Variants in TMEM39A observed in about 807,000 individuals in gnomAD.
TMEM39A encodes suppressor of SQST-1 aggregates in rpl-43 mutants.
A neutral mutation model predicts 51.9 loss-of-function variants in TMEM39A; 19 were observed. That is an observed-to-expected ratio of 0.37 (90% confidence interval 0.26 to 0.54). TMEM39A has a LOEUF of 0.54. Ranked by LOEUF, TMEM39A falls within the 20% of genes least tolerant of loss-of-function variation. The pLI is 0.88. For synonymous variants in TMEM39A, 197 were observed against 220.2 expected, an observed-to-expected ratio of 0.89 and a Z score of 0.93; for missense variants, 433 against 590.5, an observed-to-expected ratio of 0.73 and a Z score of 2.76.
chr3:119,441,644 CA>C (rs2081055499), intron 5 of TMEM39A, among the ~76,000 whole-genome samples: 1 of 152,200 alleles, frequency 6.6e-6, no homozygotes, highest in South Asian at 2.1e-4. Flanking sequence ...TGTGAATCTA[CA>C]AACTGTAGCA....
chr3:119,443,064 A>C (rs1194169034), intron 5 of TMEM39A, among the ~76,000 whole-genome samples: 2 of 2,990 alleles, frequency 6.7e-4, no homozygotes, highest in Non-Finnish European at 0.013. Context: ...ACCCTGTCTC[A>C]AAAAAAAAAA....
At chr3:119,434,591 C>T (rs761632365) in intron 8 of TMEM39A, among the ~76,000 whole-genome samples, 171 bp downstream of exon 8, 12 of 152,064 alleles carry the variant, frequency 7.9e-5, no homozygotes, top group Non-Finnish European at 1.6e-4. Flanking sequence ...TTCAAACTGC[C>T]CTTCAAAAGA....
chr3:119,455,153 A>T (rs1017581437), intron 3 of TMEM39A, among the ~76,000 whole-genome samples: 1 of 152,226 alleles, frequency 6.6e-6, no homozygotes, highest in Non-Finnish European at 1.5e-5. Context: ...AAGAAAACTT[A>T]AAAGACAGAC....
chr3:119,439,499 G>C (rs1230326809), intron 5 of TMEM39A, among the ~76,000 whole-genome samples: 1 of 144,018 alleles, frequency 6.9e-6, no homozygotes, highest in African/African-American at 2.6e-5. Context: ...AGAATCACTT[G>C]AACCCTGGAG....
At position 119,430,231 on chromosome 3, in the gene TMEM39A, CCTTT is replaced by C. The variant is rs2080881898; in HGVS notation, c.*1746_*1749del. ...ACTTGTCCCCACCTCAGGGCACTGC[CCTTT>C]CTGCTACTGTAACATGGAATTCTCC... On this transcript the variant is annotated 3_prime_UTR_variant, in exon 9 of 9. Coordinates refer to ENST00000319172, the MANE Select transcript of TMEM39A (RefSeq NM_018266.3). The C allele has an allele frequency of 6.6e-6, 1 of 152,104 alleles. No individual in the cohort carries two copies. The highest frequency in any genetic ancestry group is 1.5e-5 in the Non-Finnish European group (1 of 68,002). The allele number at this position is 152,104 out of a possible 1,614,324, so 9.4% of individuals were successfully genotyped here. A position where few individuals can be genotyped will look rare whatever the true frequency, so the allele number is the denominator to read the frequency against.
chr3:119,462,632 A>AAGG (rs1464858331), intron 1 of TMEM39A, among the ~76,000 whole-genome samples: 1 of 2,450 alleles, frequency 4.1e-4, no homozygotes, highest in Non-Finnish European at 6.9e-4. Flanking sequence ...GTGTTTCTTC[A>AAGG]AGGGGGGGGG....
At position 119,453,778 on chromosome 3, in the gene TMEM39A, C is replaced by T. The variant is rs913813112; in HGVS notation, c.337-1248G>A. On this transcript the variant is annotated intron_variant, in intron 3 of 8. Transcript: ENST00000319172. ...AAATAAGTTTCTATTTTGTTTTAGCCACCCTGTTATGGCAGCTAAACCCAT... is the reference window on the plus strand; with the variant it reads ...AAATAAGTTTCTATTTTGTTTTAGCTACCCTGTTATGGCAGCTAAACCCAT... Among the ~76,000 whole-genome samples, 19 of 152,150 alleles carry T rather than the reference C, an allele frequency of 1.2e-4. 1 individual carries two copies. The highest frequency in any genetic ancestry group is 1.1e-3 in the Admixed American group (17 of 15,270).
chr3:119,437,709 TCA>T, intron 6 of TMEM39A, 44 bp downstream of exon 6: 2 of 1,411,144 alleles, frequency 1.4e-6, no homozygotes, highest in Non-Finnish European at 1.9e-6. Flanking sequence ...TTTATGTAAT[TCA>T]CACACAAATC....
chr3:119,451,263 G>C, intron 4 of TMEM39A: 1 of 1,287,844 alleles, frequency 7.8e-7, no homozygotes, highest in Non-Finnish European at 1.0e-6. Context: ...AGTATTTCCA[G>C]TTACTCTGCT....
chr3:119,449,628 C>G (rs1239179788), intron 4 of TMEM39A, among the ~76,000 whole-genome samples: 1 of 152,002 alleles, frequency 6.6e-6, no homozygotes, highest in Non-Finnish European at 1.5e-5. Flanking sequence ...GTCTGCCCCC[C>G]ACCCCCCAAA....
intron 4 of TMEM39A, among the ~76,000 whole-genome samples, chr3:119,450,560 AC>A (rs1310598791): frequency 6.6e-6 from 1 of 152,126 alleles, no homozygotes; most frequent in African/African-American, 2.4e-5. Context: ...TTGGGATCAC[AC>A]CCGTAATCCC....
intron 5 of TMEM39A, among the ~76,000 whole-genome samples, chr3:119,439,393 C>G (rs2081018881): frequency 6.6e-6 from 1 of 152,004 alleles, no homozygotes; most frequent in African/African-American, 2.4e-5. Context: ...CCAGCCTGGT[C>G]AACATGGTAA....
rs80130151 is a variant in TMEM39A, at chr3:119,429,232, C to G, written c.*2749G>C. 7.9e-3 allele frequency among the ~76,000 whole-genome samples: 1,196 copies of G among 151,774 alleles called. 20 individuals are homozygous for G. The highest frequency in any genetic ancestry group is 0.072 in the South Asian group (342 of 4,746). ...TTAAAAAAAAGAGAGAGAAACGGCA[C>G]AACAGGTGGCAGTGGTGGTGACTGA... is the stretch of plus-strand genomic sequence containing the variant. On this transcript the variant is annotated 3_prime_UTR_variant, in exon 9 of 9. Coordinates refer to ENST00000319172, the MANE Select transcript of TMEM39A (RefSeq NM_018266.3).
At chr3:119,435,171 A>C in intron 7 of TMEM39A, 1 of 985,466 alleles carries the variant, frequency 1.0e-6, no homozygotes, top group South Asian at 4.7e-5. Flanking sequence ...TGTAAGCCAG[A>C]AAACAGTGTG....
rs2080902464 is a variant in TMEM39A, at chr3:119,431,663, C to T, written c.*318G>A. The T allele has an allele frequency of 5.8e-6, 1 of 173,078 alleles. No homozygotes were observed. The highest frequency in any genetic ancestry group is 1.6e-4 in the South Asian group (1 of 6,206). 10.7% of individuals were successfully genotyped at this position (173,078 alleles called of 1,614,324 possible). On this transcript the variant is annotated 3_prime_UTR_variant, in exon 9 of 9. Coordinates refer to ENST00000319172, the MANE Select transcript of TMEM39A (RefSeq NM_018266.3). ...TAATGAGGATTGAAAGAAAAGCAGA[C>T]ATACCAAAGGTACTGTGTCAAGTAA...
intron 4 of TMEM39A, among the ~76,000 whole-genome samples, chr3:119,447,780 C>T (rs1180829581): frequency 6.6e-6 from 1 of 152,014 alleles, no homozygotes; most frequent in African/African-American, 2.4e-5. Flanking sequence ...TACACCACCA[C>T]GCCCAGCTAA....
At position 119,431,894 on chromosome 3, in the gene TMEM39A, T is replaced by G; in HGVS notation, c.*87A>C. ...ATAATAGTATACAAAATATAAAATATCTTAAATATTTATAAAAATCACAAG... is the reference window on the plus strand; with the variant it reads ...ATAATAGTATACAAAATATAAAATAGCTTAAATATTTATAAAAATCACAAG... On this transcript the variant is annotated 3_prime_UTR_variant, in exon 9 of 9. Coordinates refer to ENST00000319172, the MANE Select transcript of TMEM39A (RefSeq NM_018266.3). 1 of 901,106 alleles carries G rather than the reference T, an allele frequency of 1.1e-6. No individual in the cohort carries two copies. The highest frequency in any genetic ancestry group is 1.6e-6 in the Non-Finnish European group (1 of 618,330). The allele number at this position is 901,106 out of a possible 1,614,324, so 55.8% of individuals were successfully genotyped here.
At chr3:119,440,646 T>C (rs1301076049) in intron 5 of TMEM39A, among the ~76,000 whole-genome samples, 1 of 152,172 alleles carries the variant, frequency 6.6e-6, no homozygotes, top group Non-Finnish European at 1.5e-5. Context: ...GTTTAACCTA[T>C]GAATAAACAG....
chr3:119,440,388 T>A (rs1304112514), intron 5 of TMEM39A, among the ~76,000 whole-genome samples: 1 of 152,096 alleles, frequency 6.6e-6, no homozygotes, highest in Non-Finnish European at 1.5e-5. Flanking sequence ...GTTAGTAACA[T>A]GATTAAATTT....
Sources: gnomAD v4.1 joint callset for allele counts (sites outside exome capture counted in the v4.1 genomes callset) on GRCh38, gnomAD v4.1.1 for gene constraint, MANE v1.5 for transcripts, NCBI Gene and HGNC (gene_info 2026-07-23, HGNC 2026-07-21) for gene names.